SPRR2G: variants seen among roughly 807,000 people sequenced by gnomAD.
The protein encoded by SPRR2G is small proline-rich protein 2G.
SPRR2G carries 1 observed loss-of-function variant against 0.7 expected under a neutral mutation model. The ratio of observed to expected loss-of-function variants is 1.49; its 90% CI spans 0.53 to 7.06. The LOEUF (loss-of-function observed/expected upper bound fraction) is 7.06. Among genes scored for constraint, SPRR2G ranks in the 30% most tolerant of loss-of-function variants. SPRR2G has a pLI of 0.14. For synonymous variants in SPRR2G, 38 were observed against 33.9 expected (o/e 1.12, Z -0.42); for missense variants, 96 against 88.5 (o/e 1.09, Z -0.34).
the SPRR2G span, among the ~76,000 whole-genome samples, chr1:153,196,841 T>G: frequency 6.6e-6 from 1 of 152,178 alleles, no homozygotes; most frequent in African/African-American, 2.4e-5. Context: ...CTCTCTCCAT[T>G]AAGACATCTG....
the SPRR2G span, among the ~76,000 whole-genome samples, chr1:153,179,755 C>T: frequency 2.6e-5 from 4 of 152,042 alleles, no homozygotes; most frequent in Non-Finnish European, 5.9e-5. Context: ...TAATTAGAGC[C>T]ACCATCACCC....
At chr1:153,182,838 C>T in the SPRR2G span, among the ~76,000 whole-genome samples, 8,465 of 152,102 alleles carry the variant, frequency 0.056, 821 homozygotes, top group African/African-American at 0.19. Flanking sequence ...AATAGTGCTA[C>T]AATAAACATG....
chr1:153,158,005 C>T, the SPRR2G span, among the ~76,000 whole-genome samples: 1 of 152,108 alleles, frequency 6.6e-6, no homozygotes, highest in Non-Finnish European at 1.5e-5. Flanking sequence ...CCCAACAGGT[C>T]CCTCCCTCAA....
the SPRR2G span, among the ~76,000 whole-genome samples, chr1:153,178,626 A>G: frequency 6.6e-6 from 1 of 152,102 alleles, no homozygotes; most frequent in African/African-American, 2.4e-5. Context: ...TATTAAATAA[A>G]CCTTGCATTC....
At chr1:153,200,641 G>C in the SPRR2G span, among the ~76,000 whole-genome samples, 1 of 151,878 alleles carries the variant, frequency 6.6e-6, no homozygotes, top group African/African-American at 2.4e-5. Flanking sequence ...AAGGAATCGA[G>C]ACCTGGATGG....
the SPRR2G span, among the ~76,000 whole-genome samples, chr1:153,180,328 T>G: frequency 6.6e-6 from 1 of 152,164 alleles, no homozygotes; most frequent in African/African-American, 2.4e-5. Context: ...CATTTGTTCT[T>G]CATGTTCTGA....
chr1:153,195,192 C>T, the SPRR2G span, among the ~76,000 whole-genome samples: 13 of 152,166 alleles, frequency 8.5e-5, no homozygotes, highest in South Asian at 4.1e-4. Context: ...GCCTCCCTTC[C>T]CCGCAGCATC....
the SPRR2G span, among the ~76,000 whole-genome samples, chr1:153,177,184 CT>C: frequency 9.9e-5 from 15 of 152,158 alleles, no homozygotes; most frequent in African/African-American, 2.6e-4. Flanking sequence ...TTTTTTAATA[CT>C]TTCTTAAGTT....
chr1:153,170,220 C>T, the SPRR2G span, among the ~76,000 whole-genome samples: 2 of 152,118 alleles, frequency 1.3e-5, no homozygotes, highest in Non-Finnish European at 2.9e-5. Context: ...TTGGTAACCT[C>T]AGTTTAAGTT....
the SPRR2G span, chr1:153,191,595 C>G: frequency 1.3e-5 from 2 of 152,174 alleles, no homozygotes; most frequent in African/African-American, 4.8e-5. Context: ...CCGGAAAATT[C>G]TACCATAGAC....
At chr1:153,171,134 G>A in the SPRR2G span, among the ~76,000 whole-genome samples, 19 of 152,242 alleles carry the variant, frequency 1.2e-4, no homozygotes, top group East Asian at 3.5e-3. Context: ...ATGCCAGTAT[G>A]ACTGAAATGT....
chr1:153,182,923 T>C, the SPRR2G span, among the ~76,000 whole-genome samples: 1 of 151,776 alleles, frequency 6.6e-6, no homozygotes, highest in Non-Finnish European at 1.5e-5. Flanking sequence ...CTGGGTCAAA[T>C]GGTATTTCTG....
At chr1:153,188,886 C>G in the SPRR2G span, among the ~76,000 whole-genome samples, 1 of 152,200 alleles carries the variant, frequency 6.6e-6, no homozygotes, top group East Asian at 1.9e-4. Flanking sequence ...TCCCTCACGG[C>G]TTCCTTTGGC....
chr1:153,186,045 G>C, the SPRR2G span, among the ~76,000 whole-genome samples: 1 of 152,158 alleles, frequency 6.6e-6, no homozygotes, highest in Non-Finnish European at 1.5e-5. Flanking sequence ...TCTTAATCCT[G>C]ACTTTTAATT....
At chr1:153,154,697 A>C (rs1000478264), upstream of SPRR2G, among the ~76,000 whole-genome samples, 3 of 151,874 alleles carry the variant, frequency 2.0e-5, no homozygotes, top group Non-Finnish European at 4.4e-5. Flanking sequence ...ATCAGTTTTC[A>C]TATCTCCTCT....
chr1:153,192,663 G>T, the SPRR2G span, among the ~76,000 whole-genome samples: 5 of 152,120 alleles, frequency 3.3e-5, no homozygotes, highest in African/African-American at 9.7e-5. Flanking sequence ...TCTGGTTCTT[G>T]TTCTAAATCT....
At chr1:153,191,565 C>T in the SPRR2G span, 1 of 152,182 alleles carries the variant, frequency 6.6e-6, no homozygotes, top group Non-Finnish European at 1.5e-5. Context: ...GTGATGATGT[C>T]ATTGCATATC....
the SPRR2G span, among the ~76,000 whole-genome samples, chr1:153,169,716 A>ATGGG: frequency 5.3e-3 from 803 of 152,302 alleles, 10 homozygotes; most frequent in Middle Eastern, 0.02. Context: ...TTTTTTGAAC[A>ATGGG]ACCCAGGGCA....
chr1:153,197,045 C>T, the SPRR2G span, among the ~76,000 whole-genome samples: 3 of 152,070 alleles, frequency 2.0e-5, no homozygotes, highest in African/African-American at 4.8e-5. Flanking sequence ...CCTTCCCTAC[C>T]GTGCCTGGCC....
Sources: gnomAD v4.1 joint callset for allele counts (sites outside exome capture counted in the v4.1 genomes callset) on GRCh38, gnomAD v4.1.1 for gene constraint, MANE v1.5 for transcripts, NCBI Gene and HGNC (gene_info 2026-07-23, HGNC 2026-07-21) for gene names.